Variants in GRAMD4 observed in about 807,000 individuals in gnomAD.
GRAMD4 encodes GRAM domain containing 4.
GRAMD4 carries 25 observed loss-of-function variants against 83.9 expected under a neutral mutation model. The observed-to-expected ratio is 0.30, with a 90% CI of 0.22 to 0.42. The LOEUF is 0.42. GRAMD4 is among the 10% of genes least tolerant of loss of function. The probability of loss-of-function intolerance (pLI) is 1.00; values close to 1 mark genes in which losing one functional copy is unlikely to be tolerated. For missense variants in GRAMD4, 593 were observed against 788.7 expected (o/e 0.75, Z 2.97); for synonymous variants, 336 against 320.9 (o/e 1.05, Z -0.50).
In GRAMD4 at chr22:46,622,387, G is replaced by T. The variant is rs1197555975; in HGVS notation, c.-50+1822G>T. On this transcript the variant is annotated intron_variant, in intron 1 of 18. Transcript: ENST00000406902. This position sits in a 1 kb window ranked among gnomAD's most constrained non-coding sequence, Gnocchi z 4.0. ...TCAGCTGCCGCAACCAGGAGGACTC[G>T]CCGGGTTTTTGAAAATGGAAGGAAG... is the stretch of plus-strand genomic sequence containing the variant. Among the ~76,000 whole-genome samples the T allele has an allele frequency of 6.6e-6, 1 of 152,156 alleles. No individual in the cohort carries two copies. Among genetic ancestry groups the T allele is most frequent in the Non-Finnish European group, 1.5e-5 (1 of 68,028 alleles).
At chr22:46,635,640 C>G (rs55887106) in intron 2 of GRAMD4, among the ~76,000 whole-genome samples, 1 of 44,570 alleles carries the variant, frequency 2.2e-5, no homozygotes, top group Non-Finnish European at 4.3e-5. Flanking sequence ...CCTGGGGGAC[C>G]GTGTCCTCCC....
chr22:46,626,065 A>C (rs759299043), intron 1 of GRAMD4, among the ~76,000 whole-genome samples: 1 of 152,146 alleles, frequency 6.6e-6, no homozygotes, highest in Non-Finnish European at 1.5e-5. Context: ...TGTGTCTCAG[A>C]GTATGAGCCT....
In GRAMD4 at chr22:46,664,023, C is replaced by T. The variant is rs376603217; in HGVS notation, c.626-3C>T. On this transcript the variant is annotated splice_region_variant and splice_polypyrimidine_tract_variant and intron_variant, in intron 7 of 18. Transcript: ENST00000406902. ...TGACCACTGTGGTCTGCTCTGTCCC[C>T]AGAGCGCGGTGCCAAGCCGGTCACT... 11 of 1,612,214 alleles carry T rather than the reference C, an allele frequency of 6.8e-6. No homozygotes were observed. The highest frequency in any genetic ancestry group is 9.3e-6 in the Non-Finnish European group (11 of 1,178,792).
chr22:46,665,019 C>T (rs73888606), intron 8 of GRAMD4, among the ~76,000 whole-genome samples: 10,467 of 152,306 alleles, frequency 0.069, 1,012 homozygotes, highest in African/African-American at 0.21. Flanking sequence ...CCCTGGAAGG[C>T]CTCTTCTCCT....
chr22:46,617,207 C>T (rs1275455525), upstream of GRAMD4, among the ~76,000 whole-genome samples: 3 of 147,976 alleles, frequency 2.0e-5, no homozygotes, highest in Non-Finnish European at 3.0e-5. Context: ...TGTAGGTTCC[C>T]CTGTGCGTGT....
rs113395247 is a variant in GRAMD4 at position 46,653,338 on chromosome 22, C to T, written c.284-4849C>T. On this transcript the variant is annotated intron_variant, in intron 3 of 18. Transcript: ENST00000406902. ...CTGGGCTCTGAGCAGTGAAGATGGCCGGGCTCTGGCGTTCACATTTGTCAG... is the reference window on the plus strand; with the variant it reads ...CTGGGCTCTGAGCAGTGAAGATGGCTGGGCTCTGGCGTTCACATTTGTCAG... Among the ~76,000 whole-genome samples the T allele has an allele frequency of 9.2e-4, 140 of 152,244 alleles. 1 individual carries two copies. Among genetic ancestry groups the T allele is most frequent in the African/African-American group, 3.1e-3 (128 of 41,562 alleles).
rs187526842 is a variant in GRAMD4 at position 46,641,808 on chromosome 22, C to G, written c.283+3848C>G. On this transcript the variant is annotated intron_variant, in intron 3 of 18. Transcript: ENST00000406902. Reference sequence around the variant, plus strand: ...GTTGCAGAATGGTCATTTTCTACTTCCGCTATTCTCTCTCCATTTGTTAGC... The same window carrying G: ...GTTGCAGAATGGTCATTTTCTACTTGCGCTATTCTCTCTCCATTTGTTAGC... Among the ~76,000 whole-genome samples, 912 of 152,360 alleles carry G rather than the reference C, an allele frequency of 6.0e-3. 6 individuals are homozygous for G. Among genetic ancestry groups the G allele is most frequent in the Middle Eastern group, 0.017 (5 of 294 alleles).
intron 1 of GRAMD4, among the ~76,000 whole-genome samples, chr22:46,612,611 T>C (rs957595992): frequency 6.6e-6 from 1 of 152,240 alleles, no homozygotes; most frequent in African/African-American, 2.4e-5. Flanking sequence ...GATGGGCTCC[T>C]GAGCTCACAC....
chr22:46,650,008 G>A (rs2082140666), intron 3 of GRAMD4, among the ~76,000 whole-genome samples: 1 of 152,168 alleles, frequency 6.6e-6, no homozygotes, highest in Admixed American at 6.5e-5. Context: ...GGCTGGGAGA[G>A]TTCAGGTGAG....
intron 3 of GRAMD4, among the ~76,000 whole-genome samples, chr22:46,650,951 C>T (rs1318909005): frequency 6.6e-6 from 1 of 152,206 alleles, no homozygotes; most frequent in Non-Finnish European, 1.5e-5. Context: ...CCCTGGGCTT[C>T]CTTCCATCTT....
rs202022718 is a variant in GRAMD4 at position 46,668,937 on chromosome 22, T to G, written c.1084+29T>G. On this transcript the variant is annotated intron_variant, in intron 13 of 18. Coordinates refer to ENST00000406902, the MANE Select transcript of GRAMD4 (RefSeq NM_015124.5). ...AGTAGATGCACCTGCGGCCTGTAGC[T>G]TCAGGAGGAGGGACACAGGTGTCCG... 402 of 1,295,194 alleles carry G rather than the reference T, an allele frequency of 3.1e-4. 1 individual carries two copies. Among genetic ancestry groups the G allele is most frequent in the African/African-American group, 2.0e-3 (135 of 69,222 alleles). The allele number at this position is 1,295,194 out of a possible 1,614,324, so 80.2% of individuals were successfully genotyped here. A position where few individuals can be genotyped will look rare whatever the true frequency, so the allele number is the denominator to read the frequency against.
chr22:46,674,879 T>G (rs2147419301), intron 16 of GRAMD4, 129 bp downstream of exon 16: 1 of 705,452 alleles, frequency 1.4e-6, no homozygotes, highest in East Asian at 2.7e-5. Context: ...TCCCATGCTC[T>G]GCTCTTGCCG....
chr22:46,653,237 G>T (rs535873236), intron 3 of GRAMD4, among the ~76,000 whole-genome samples: 1 of 152,244 alleles, frequency 6.6e-6, no homozygotes, highest in Non-Finnish European at 1.5e-5. Context: ...CGTGCCGCCC[G>T]CTGCCCCGGG....
chr22:46,629,497 G>T (rs990572783), intron 2 of GRAMD4, among the ~76,000 whole-genome samples: 1 of 152,088 alleles, frequency 6.6e-6, no homozygotes, highest in African/African-American at 2.4e-5. Context: ...GGCTCACGAG[G>T]CCCCCGGGGT....
intron 1 of GRAMD4, among the ~76,000 whole-genome samples, chr22:46,615,385 C>T (rs1322813763): frequency 9.9e-5 from 6 of 60,550 alleles, no homozygotes; most frequent in Non-Finnish European, 1.9e-4. Context: ...GTGTAGGTTC[C>T]CCTGTGTGTG....
At chr22:46,673,882 C>T in intron 15 of GRAMD4, 68 bp downstream of exon 15, 1 of 1,550,296 alleles carries the variant, frequency 6.5e-7, no homozygotes. Context: ...GAGGGGGGCG[C>T]TGTGGATGCA....
chr22:46,667,138 C>G lies in GRAMD4; in HGVS notation c.858+265C>G, dbSNP rs138530719. Among the ~76,000 whole-genome samples, 290 of 152,360 alleles carry G rather than the reference C, an allele frequency of 1.9e-3. No individual in the cohort carries two copies. The highest frequency in any genetic ancestry group is 3.3e-3 in the Admixed American group (50 of 15,314). On this transcript the variant is annotated intron_variant, in intron 10 of 18. Coordinates refer to ENST00000406902, the MANE Select transcript of GRAMD4 (RefSeq NM_015124.5). ...GCCTGGCCCTGGCCAGGCTTCCCAG[C>G]TAGGATGTGGTATGGCAGGGGTGGG...
chr22:46,663,969 G>A (rs890284405), intron 7 of GRAMD4, 57 bp from the exon 8 acceptor site: 62 of 1,568,562 alleles, frequency 4.0e-5, no homozygotes, highest in African/African-American at 5.4e-5. Context: ...CCAGGGAGAC[G>A]TGGTTAAGCG....
At chr22:46,617,215 T>C (rs1356102418), upstream of GRAMD4, among the ~76,000 whole-genome samples, 1 of 147,350 alleles carries the variant, frequency 6.8e-6, no homozygotes, top group Non-Finnish European at 1.5e-5. Context: ...CCCCTGTGCG[T>C]GTGGGTTCCC....
Sources: allele counts gnomAD v4.1 joint callset (sites outside exome capture counted in the v4.1 genomes callset), GRCh38; gene constraint gnomAD v4.1.1; non-coding constraint Gnocchi (gnomAD v3.1); transcripts MANE v1.5; gene names NCBI Gene and HGNC (gene_info 2026-07-23, HGNC 2026-07-21).